The following EMILIN2 variants were observed in gnomAD, a reference collection of about 807,000 sequenced individuals.
EMILIN2 encodes the protein EMILIN-2.
A neutral mutation model predicts 87.1 loss-of-function variants in EMILIN2; 71 were observed. The observed-to-expected ratio is 0.82, with a 90% CI of 0.67 to 0.99. EMILIN2 has a LOEUF of 0.99. EMILIN2 is among the 50% of genes least tolerant of loss of function. EMILIN2 has a pLI of 0.00. For missense variants in EMILIN2, 1,407 were observed against 1,371.8 expected, an observed-to-expected ratio of 1.03 and a Z score of -0.40; for synonymous variants, 581 against 563.4, an observed-to-expected ratio of 1.03 and a Z score of -0.44.
chr18:2,895,154 C>T (rs2076857507), intron 4 of EMILIN2, among the ~76,000 whole-genome samples: 1 of 151,824 alleles, frequency 6.6e-6, no homozygotes, highest in Admixed American at 6.6e-5. Flanking sequence ...GACAGATGGT[C>T]ACAGGAATGG....
rs1222165157 is a variant in EMILIN2, at chr18:2,880,437, G to A, written c.258-4527G>A. ...GGAGACTTGGCTGGAATGGGGGAGAGTTCACAGGGGCGAGGCGGCAGGGCG... is the reference window on the plus strand; with the variant it reads ...GGAGACTTGGCTGGAATGGGGGAGAATTCACAGGGGCGAGGCGGCAGGGCG... On this transcript the variant is annotated intron_variant, in intron 2 of 7. Coordinates refer to ENST00000254528, the MANE Select transcript of EMILIN2 (RefSeq NM_032048.3). This position sits in a 1 kb window ranked among gnomAD's most constrained non-coding sequence, Gnocchi z 4.1. Among the ~76,000 whole-genome samples, 3 of 152,204 alleles carry A rather than the reference G, an allele frequency of 2.0e-5. No homozygotes were observed. The highest frequency in any genetic ancestry group is 4.4e-5 in the Non-Finnish European group (3 of 68,034).
intron 7 of EMILIN2, among the ~76,000 whole-genome samples, chr18:2,912,032 C>CTTTT (rs35260656): frequency 1.9e-4 from 14 of 73,142 alleles, no homozygotes; most frequent in Admixed American, 6.2e-4. Flanking sequence ...CTGACAACCA[C>CTTTT]TTTTTTTTTT....
In EMILIN2 at chr18:2,913,410, C is replaced by CT. The variant is rs1568489587; in HGVS notation, c.*7dup. The CT allele has an allele frequency of 6.4e-7, 1 of 1,559,030 alleles. No individual in the cohort carries two copies. The highest frequency in any genetic ancestry group is 8.7e-7 in the Non-Finnish European group (1 of 1,149,778). On this transcript the variant is annotated 3_prime_UTR_variant, in exon 8 of 8. Coordinates refer to ENST00000254528, the MANE Select transcript of EMILIN2 (RefSeq NM_032048.3). ...CTTTCCTTTCCCACCTCTAAGGTGG[C>CT]TGGGGAGATGTCAGGGGAAAGATAG...
At chr18:2,868,736 G>C (rs1035222130) in intron 2 of EMILIN2, among the ~76,000 whole-genome samples, 2 of 152,262 alleles carry the variant, frequency 1.3e-5, no homozygotes, top group Non-Finnish European at 2.9e-5. Flanking sequence ...AGTGAGCCGA[G>C]ATGGCAGCAG....
At chr18:2,862,580 A>G (rs921886314) in intron 2 of EMILIN2, among the ~76,000 whole-genome samples, 1 of 152,174 alleles carries the variant, frequency 6.6e-6, no homozygotes, top group Non-Finnish European at 1.5e-5. Flanking sequence ...CCACTTGATC[A>G]TGGTGGATAA....
intron 2 of EMILIN2, among the ~76,000 whole-genome samples, chr18:2,881,260 A>T (rs2076775592): frequency 6.6e-6 from 1 of 152,190 alleles, no homozygotes; most frequent in African/African-American, 2.4e-5. Context: ...GTGGCTGCTG[A>T]TGGATTCCAA....
intron 2 of EMILIN2, among the ~76,000 whole-genome samples, chr18:2,857,550 G>A (rs577445113): frequency 2.8e-4 from 42 of 152,276 alleles, no homozygotes; most frequent in African/African-American, 9.6e-4. Flanking sequence ...CACATATCTT[G>A]AAACGGAGGA....
At chr18:2,858,569 A>ATGTGTGTGTG (rs1178571289) in intron 2 of EMILIN2, among the ~76,000 whole-genome samples, 3 of 55,430 alleles carry the variant, frequency 5.4e-5, no homozygotes, top group African/African-American at 2.4e-4. Flanking sequence ...ATATATATAT[A>ATGTGTGTGTG]TGTGTGTGTG....
intron 2 of EMILIN2, among the ~76,000 whole-genome samples, chr18:2,868,477 T>A (rs1025284780): frequency 6.6e-6 from 1 of 152,152 alleles, no homozygotes; most frequent in Non-Finnish European, 1.5e-5. Flanking sequence ...CCAGCCAAGA[T>A]CACACCACTG....
At chr18:2,856,582 G>A (rs750454670) in intron 2 of EMILIN2, among the ~76,000 whole-genome samples, 2 of 152,136 alleles carry the variant, frequency 1.3e-5, no homozygotes, top group Non-Finnish European at 2.9e-5. Flanking sequence ...AATGAAGTAG[G>A]TGCCGCATCC....
chr18:2,893,654 C>G (rs2076850421), intron 4 of EMILIN2, among the ~76,000 whole-genome samples: 2 of 152,296 alleles, frequency 1.3e-5, no homozygotes, highest in African/African-American at 4.8e-5. Flanking sequence ...CATAAGCTAG[C>G]CCTCTCTAGT....
At chr18:2,867,495 C>T (rs677518) in intron 2 of EMILIN2, among the ~76,000 whole-genome samples, 8,652 of 152,142 alleles carry the variant, frequency 0.057, 573 homozygotes, top group African/African-American at 0.16. Flanking sequence ...GAGGACCCTG[C>T]GGCCTTCCGC....
At chr18:2,907,174 C>T (rs2076918643) in intron 5 of EMILIN2, 89 bp downstream of exon 5, 1 of 1,198,270 alleles carries the variant, frequency 8.3e-7, no homozygotes, top group African/African-American at 1.6e-5. Context: ...CGTGGCGGTT[C>T]GGGGTCCAGC....
Position 2,891,397 on chromosome 18 carries a change from A to G in EMILIN2, c.1270A>G (p.Arg424Gly), listed in dbSNP as rs768170006. 6 of 1,614,254 alleles carry G rather than the reference A, an allele frequency of 3.7e-6. No homozygotes were observed. Among genetic ancestry groups the G allele is most frequent in the Non-Finnish European group, 5.1e-6 (6 of 1,180,046 alleles). Residue 424 changes from arginine to glycine, a missense_variant, in exon 4 of 8, where the codon AGA (arginine) becomes GGA (glycine). Physicochemically the swap from Arg to Gly is moderately radical, Grantham distance 125. Coordinates refer to ENST00000254528, the MANE Select transcript of EMILIN2 (RefSeq NM_032048.3). The surrounding 1 kb of genome is among the most constrained non-coding windows in gnomAD (Gnocchi z 4.6). ...AATCGAGAGAGTTGCTGAAGCCACC[A>G]GAATGCTGAATGGAAGACTGGACAA... ...QKIERVAEAT[R>G]MLNGRLDNEF...
intron 5 of EMILIN2, among the ~76,000 whole-genome samples, chr18:2,908,705 T>G (rs987212198): frequency 3.3e-5 from 5 of 152,174 alleles, no homozygotes; most frequent in African/African-American, 1.2e-4. Flanking sequence ...CAGCTTGCCC[T>G]CAGTGCCCTC....
rs2076579205 is a variant in EMILIN2, at chr18:2,847,225, TGGCGCTG to T, written c.46_52del (p.Ala16ArgfsTer35). ...CAGACGGCCCTGGCCCCGCGTGCCC[TGGCGCTG>T]GGCGCTGGCGCTGCTGGCCCTGGTT... On this transcript the variant is annotated frameshift_variant, in exon 1 of 8. Transcript: ENST00000254528. LOFTEE classifies it high-confidence loss of function. The surrounding 1 kb of genome is among the most constrained non-coding windows in gnomAD (Gnocchi z 4.5). The T allele has an allele frequency of 1.6e-5, 20 of 1,254,970 alleles. No individual in the cohort carries two copies. The highest frequency in any genetic ancestry group is 1.9e-5 in the Non-Finnish European group (19 of 1,001,096). The allele number at this position is 1,254,970 out of a possible 1,614,324, so 77.7% of individuals were successfully genotyped here. A position where few individuals can be genotyped will look rare whatever the true frequency, so the allele number is the denominator to read the frequency against.
intron 4 of EMILIN2, among the ~76,000 whole-genome samples, chr18:2,900,679 A>AT (rs11421324): frequency 0.72 from 109,949 of 151,938 alleles, 40,215 homozygotes; most frequent in East Asian, 0.86. Context: ...CCCCGGGCCC[A>AT]TTTAGCACCA....
At chr18:2,893,032 A>G (rs1279062159) in intron 4 of EMILIN2, among the ~76,000 whole-genome samples, 3 of 152,098 alleles carry the variant, frequency 2.0e-5, no homozygotes, top group African/African-American at 7.2e-5. Context: ...AGCCTGGGCA[A>G]CAGAGTGAGG....
intron 2 of EMILIN2, among the ~76,000 whole-genome samples, chr18:2,875,502 A>G (rs542903748): frequency 3.1e-5 from 2 of 63,852 alleles, no homozygotes; most frequent in South Asian, 7.5e-4. Context: ...GCCCTCCCCA[A>G]AATAATTCTT....
Sources: gnomAD v4.1 joint callset for allele counts (sites outside exome capture counted in the v4.1 genomes callset) on GRCh38, gnomAD v4.1.1 for gene constraint, Gnocchi (gnomAD v3.1) non-coding constraint, MANE v1.5 for transcripts, NCBI Gene and HGNC (gene_info 2026-07-23, HGNC 2026-07-21) for gene names.